FAM149B1: variants seen among roughly 807,000 people sequenced by gnomAD.
FAM149B1 encodes primary cilium assembly protein FAM149B1.
A neutral mutation model predicts 75.3 loss-of-function variants in FAM149B1; 56 were observed. The observed-to-expected ratio is 0.74, with a 90% CI of 0.60 to 0.93. FAM149B1 has a LOEUF of 0.93. Among genes scored for constraint, FAM149B1 ranks in the 40% least tolerant of loss-of-function variants. The pLI, the probability that FAM149B1 is intolerant of heterozygous loss-of-function variation, is 0.00. For missense variants in FAM149B1, 639 were observed against 708.4 expected (o/e 0.90, Z 1.11); for synonymous variants, 259 against 256.1 (o/e 1.01, Z -0.11).
chr10:73,174,972 T>C (rs1472629355), intron 2 of FAM149B1, among the ~76,000 whole-genome samples, 181 bp downstream of exon 2: 1 of 152,196 alleles, frequency 6.6e-6, no homozygotes. Context: ...ATACATATTT[T>C]CATAACCTTT....
chr10:73,168,615 C>T (rs1843559348), intron 1 of FAM149B1, among the ~76,000 whole-genome samples: 1 of 152,216 alleles, frequency 6.6e-6, no homozygotes, highest in Admixed American at 6.5e-5. Context: ...TCTGCTGAAG[C>T]ATTTGTAGCA....
intron 3 of FAM149B1, among the ~76,000 whole-genome samples, chr10:73,188,741 AAAAG>A (rs1432275260): frequency 3.0e-5 from 4 of 133,688 alleles, no homozygotes; most frequent in South Asian, 2.6e-4. Flanking sequence ...AAGAAAAAAA[AAAAG>A]GAAGGAAGGA....
intron 5 of FAM149B1, among the ~76,000 whole-genome samples, chr10:73,198,540 C>T (rs552466115): frequency 2.2e-4 from 34 of 152,286 alleles, no homozygotes; most frequent in African/African-American, 7.9e-4. Flanking sequence ...CGTGGTGGCT[C>T]ATGCCTGTAA....
chr10:73,229,605 G>A (rs966679541), intron 8 of FAM149B1, among the ~76,000 whole-genome samples: 16 of 152,078 alleles, frequency 1.1e-4, no homozygotes, highest in South Asian at 2.1e-4. Flanking sequence ...ATGAAGGCTC[G>A]TAAGTCACCA....
At position 73,168,378 on chromosome 10, in the gene FAM149B1, C is replaced by T. The variant is rs1325420794; in HGVS notation, c.39C>T (p.Ser13=). ...SRYTRKAVPQ[S]LELKGITKHA... Reference sequence around the variant, plus strand: ...ACACTCGGAAGGCGGTGCCACAGAGCTTGGAGCTGTGAGTGGACTGCTCAG... The same window carrying T: ...ACACTCGGAAGGCGGTGCCACAGAGTTTGGAGCTGTGAGTGGACTGCTCAG... Residue 13 remains serine, a synonymous_variant, in exon 1 of 14, where the codon AGC becomes AGT. Coordinates refer to ENST00000242505, the MANE Select transcript of FAM149B1 (RefSeq NM_173348.2). 2 of 1,549,908 alleles carry T rather than the reference C, an allele frequency of 1.3e-6. No homozygotes were observed. The highest frequency in any genetic ancestry group is 1.7e-6 in the Non-Finnish European group (2 of 1,146,796).
intron 6 of FAM149B1, among the ~76,000 whole-genome samples, chr10:73,209,880 A>AT (rs3841205): frequency 7.8e-4 from 117 of 149,318 alleles, no homozygotes; most frequent in East Asian, 2.5e-3. Flanking sequence ...TTCTGGATGC[A>AT]TTTTTTTTTT....
chr10:73,184,417 C>CA (rs746234311), intron 3 of FAM149B1, among the ~76,000 whole-genome samples: 7 of 151,724 alleles, frequency 4.6e-5, no homozygotes, highest in Non-Finnish European at 7.4e-5. Flanking sequence ...ACTTGTAGAC[C>CA]ACCTAGACAG....
At chr10:73,175,319 G>C (rs1456481148) in intron 2 of FAM149B1, among the ~76,000 whole-genome samples, 1 of 152,208 alleles carries the variant, frequency 6.6e-6, no homozygotes, top group African/African-American at 2.4e-5. Flanking sequence ...GCAGTAAGCT[G>C]TGTTTACACC....
chr10:73,200,992 AT>A (rs1454315359), intron 5 of FAM149B1: 8 of 334,430 alleles, frequency 2.4e-5, no homozygotes, highest in Non-Finnish European at 4.8e-5. Context: ...TCTGATCACT[AT>A]TTACTTGTTG....
At chr10:73,225,798 T>G (rs2043528212) in intron 7 of FAM149B1, among the ~76,000 whole-genome samples, 1 of 152,220 alleles carries the variant, frequency 6.6e-6, no homozygotes, top group Admixed American at 6.5e-5. Flanking sequence ...TTTTATCTTT[T>G]GTACCATAAT....
At chr10:73,197,577 C>G (rs1564692902) in intron 5 of FAM149B1, among the ~76,000 whole-genome samples, 1 of 151,920 alleles carries the variant, frequency 6.6e-6, no homozygotes, top group Non-Finnish European at 1.5e-5. Flanking sequence ...TGAGACCAGC[C>G]TGGCCAACAT....
intron 12 of FAM149B1, among the ~76,000 whole-genome samples, chr10:73,237,768 C>T (rs548082912): frequency 6.6e-6 from 1 of 152,094 alleles, no homozygotes; most frequent in Admixed American, 6.5e-5. Flanking sequence ...CTACATCACC[C>T]AGGCTGGAGT....
chr10:73,228,054 G>A lies in FAM149B1; in HGVS notation c.899-6G>A. ...CATGGATAATATATCCTGTTCCTTT[G>A]CCCAGATGATGAGAGTAATGTTGCA... On this transcript the variant is annotated splice_polypyrimidine_tract_variant and splice_region_variant and intron_variant, in intron 7 of 13. Transcript: ENST00000242505. The A allele has an allele frequency of 6.4e-7, 1 of 1,551,492 alleles. No homozygotes were observed. Among genetic ancestry groups the A allele is most frequent in the East Asian group, 2.4e-5 (1 of 40,922 alleles).
At chr10:73,199,087 G>C (rs1385845654) in intron 5 of FAM149B1, among the ~76,000 whole-genome samples, 3 of 152,188 alleles carry the variant, frequency 2.0e-5, no homozygotes, top group African/African-American at 4.8e-5. Context: ...TATCCTCCAT[G>C]CATGTGGGAG....
At position 73,210,377 on chromosome 10, in the gene FAM149B1, G is replaced by A. The variant is rs2043160510; in HGVS notation, c.837G>A (p.Trp279Ter). The change falls in exon 7 of 14, where the codon TGG becomes TGA. Residue 279 changes from tryptophan (W) to a stop codon, truncating the protein, a stop_gained. Coordinates refer to ENST00000242505, the MANE Select transcript of FAM149B1 (RefSeq NM_173348.2). LOFTEE classifies it high-confidence loss of function. ...TTGCTTATGTGTTTGACAGTGTATG[G>A]TGCAAGGTTGTGAGCTGTATGGAGC... ...DVLAYVFDSV[W>*]CKVVSCMEQL... The A allele has an allele frequency of 1.9e-6, 3 of 1,551,622 alleles. No individual in the cohort carries two copies. The highest frequency in any genetic ancestry group is 1.7e-6 in the Non-Finnish European group (2 of 1,146,910).
intron 3 of FAM149B1, 27 bp from the exon 4 acceptor site, chr10:73,192,529 A>G: frequency 4.5e-6 from 7 of 1,547,304 alleles, no homozygotes; most frequent in South Asian, 1.2e-5. Flanking sequence ...GCTCACCTAA[A>G]TATTTGGGGG....
At chr10:73,188,806 G>T (rs2042605909) in intron 3 of FAM149B1, among the ~76,000 whole-genome samples, 3 of 149,054 alleles carry the variant, frequency 2.0e-5, no homozygotes, top group Non-Finnish European at 4.5e-5. Context: ...AGGAAGGAAG[G>T]AAGGAAAGGA....
chr10:73,180,110 T>A (rs1054079299), intron 3 of FAM149B1, among the ~76,000 whole-genome samples: 5 of 152,176 alleles, frequency 3.3e-5, no homozygotes, highest in Admixed American at 2.6e-4. Flanking sequence ...CTAAGAAAGA[T>A]GACAGGGTGC....
At chr10:73,237,037 C>T (rs1180290883) in intron 12 of FAM149B1, among the ~76,000 whole-genome samples, 1 of 152,104 alleles carries the variant, frequency 6.6e-6, no homozygotes, top group East Asian at 1.9e-4. Flanking sequence ...CATGGCTTTC[C>T]TCCCTGTGTG....
Sources: gnomAD v4.1 joint callset for allele counts (sites outside exome capture counted in the v4.1 genomes callset) on GRCh38, gnomAD v4.1.1 for gene constraint, MANE v1.5 for transcripts, NCBI Gene and HGNC (gene_info 2026-07-23, HGNC 2026-07-21) for gene names.